The following DBNDD1 variants were observed in gnomAD, a reference collection of about 807,000 sequenced individuals.
DBNDD1 encodes dysbindin domain containing 1.
In DBNDD1, 14 loss-of-function variants were observed where a neutral mutation model predicts 17.0. The observed-to-expected ratio is 0.82, with a 90% CI of 0.54 to 1.29. DBNDD1 has a LOEUF of 1.29. Among genes scored for constraint, DBNDD1 ranks in the 50% most tolerant of loss-of-function variants. The pLI is 0.00. For missense variants in DBNDD1, 221 were observed against 216.2 expected, an observed-to-expected ratio of 1.02 and a Z score of -0.14; for synonymous variants, 105 against 102.0, an observed-to-expected ratio of 1.03 and a Z score of -0.18.
rs368511027 is a variant in DBNDD1, at chr16:90,009,364, T to C, written c.98A>G (p.Asn33Ser). 95 of 1,613,454 alleles carry C rather than the reference T, an allele frequency of 5.9e-5. No individual in the cohort carries two copies. The African/African-American group carries it at 6.9e-4, about 12-fold the overall frequency. ...LGVPAQGTGDNGHTPVEEEVG... is the reference protein window; with the variant it reads ...LGVPAQGTGDSGHTPVEEEVG... ...CTCCTCCTCCACAGGCGTGTGGCCA[T>C]TGTCCCCTGTCCCCTGGGCTGGGAC... is the stretch of plus-strand genomic sequence containing the variant. Residue 33 changes from asparagine to serine, a missense_variant, in exon 2 of 4, where the codon AAT becomes AGT. Asn to Ser is a conservative substitution (Grantham distance 46, BLOSUM62 1). Coordinates refer to ENST00000002501, the MANE Select transcript of DBNDD1 (RefSeq NM_001042610.3).
rs1057060472 is a variant in DBNDD1 at position 90,006,128 on chromosome 16, G to A, written c.*207C>T. 36 of 715,418 alleles carry A rather than the reference G, an allele frequency of 5.0e-5. No individual in the cohort carries two copies. Among genetic ancestry groups the A allele is most frequent in the African/African-American group, 4.4e-4 (25 of 56,464 alleles). The allele number at this position is 715,418 out of a possible 1,614,324, so 44.3% of individuals were successfully genotyped here. On this transcript the variant is annotated 3_prime_UTR_variant, in exon 4 of 4. Coordinates refer to ENST00000002501, the MANE Select transcript of DBNDD1 (RefSeq NM_001042610.3). ...GCCCCGTGTGTCCCCCAGGAAAGCCGGCTGGTCTCCAAGTGAGGCGAAGAC... is the reference window on the plus strand; with the variant it reads ...GCCCCGTGTGTCCCCCAGGAAAGCCAGCTGGTCTCCAAGTGAGGCGAAGAC...
At chr16:90,014,612 G>A (rs1273014923) in intron 1 of DBNDD1, among the ~76,000 whole-genome samples, 2 of 152,208 alleles carry the variant, frequency 1.3e-5, no homozygotes, top group African/African-American at 4.8e-5. Context: ...AGATCCTGGG[G>A]TCCCAAGGGG....
In DBNDD1 at chr16:90,010,346, T is replaced by G. The variant is rs540801903; in HGVS notation, c.32-916A>C. 16 of 206,854 alleles carry G rather than the reference T, an allele frequency of 7.7e-5. 1 individual carries two copies. In the South Asian group the frequency reaches 1.9e-3, roughly 25 times the overall value. 12.8% of individuals were successfully genotyped at this position (206,854 alleles called of 1,614,324 possible). ...GTGAGCCACCGAGCCTGGCCTCATT[T>G]TTTTTCACAAACGTAACTACCTTTT... On this transcript the variant is annotated intron_variant, in intron 1 of 3. Transcript: ENST00000002501.
chr16:90,008,910 C>T lies in DBNDD1; in HGVS notation c.193G>A (p.Val65Ile), dbSNP rs200870008. Residue 65 changes from valine (V) to isoleucine (I), a missense_variant, in exon 3 of 4, where the codon GTC becomes ATC. Physicochemically the swap from Val to Ile is conservative, Grantham distance 29. Transcript: ENST00000002501. ...VTERRQPLSSVSSLEVHFDLL... is the reference protein window; with the variant it reads ...VTERRQPLSSISSLEVHFDLL... ...TCGAAGTGGACCTCCAGAGAGGAGACGCTGCTCAGAGGCTCTGAGGGCAGA... is the reference window on the plus strand; with the variant it reads ...TCGAAGTGGACCTCCAGAGAGGAGATGCTGCTCAGAGGCTCTGAGGGCAGA... 974 of 1,571,174 alleles carry T rather than the reference C, an allele frequency of 6.2e-4. 1 individual carries two copies. Among genetic ancestry groups the T allele is most frequent in the Admixed American group, 9.9e-4 (56 of 56,406 alleles).
rs1274791830 is a variant in DBNDD1 at position 90,008,046 on chromosome 16, AG to A, written c.319+737del. 7.6e-4 allele frequency among the ~76,000 whole-genome samples: 71 copies of A among 93,028 alleles called. 6 individuals are homozygous for A. Among genetic ancestry groups the A allele is most frequent in the East Asian group, 4.4e-3 (12 of 2,726 alleles). The allele number at this position is 93,028 out of a possible 152,430, so 61.0% of individuals were successfully genotyped here. A position where few individuals can be genotyped will look rare whatever the true frequency, so the allele number is the denominator to read the frequency against. ...CTCCCAGGACGTCCCAAGGGGCCTC[AG>A]CCCACCACACACACCTCCCAGGACG... On this transcript the variant is annotated intron_variant, in intron 3 of 3. Transcript: ENST00000002501.
At chr16:90,019,484 A>G (rs2035729907), upstream of DBNDD1, 1 of 219,642 alleles carries the variant, frequency 4.6e-6, no homozygotes, top group Non-Finnish European at 7.8e-6. The surrounding 1 kb of genome is among the most constrained non-coding windows in gnomAD (Gnocchi z 6.1). Context: ...GGCAGGGAGG[A>G]GCCCGCGGGG....
In DBNDD1 at chr16:90,008,852, G is replaced by C. The variant is rs77900127; in HGVS notation, c.251C>G (p.Ser84Trp). 1 of 1,603,530 alleles carries C rather than the reference G, an allele frequency of 6.2e-7. No homozygotes were observed. Among genetic ancestry groups the C allele is most frequent in the African/African-American group, 1.3e-5 (1 of 74,864 alleles). ...LLDLTELTDM[S>W]DQELAEVFAD... ...AAAGACCTCGGCCAGCTCCTGGTCC[G>C]ACATGTCGGTGAGCTCAGTGAGGTC... Residue 84 changes from serine to tryptophan, a missense_variant, in exon 3 of 4, where the codon TCG becomes TGG. Physicochemically the swap from Ser to Trp is radical, Grantham distance 177. Transcript: ENST00000002501.
At chr16:90,014,714 T>C (rs1474441251) in intron 1 of DBNDD1, among the ~76,000 whole-genome samples, 1 of 152,084 alleles carries the variant, frequency 6.6e-6, no homozygotes, top group Non-Finnish European at 1.5e-5. Context: ...TCTTAAGAAG[T>C]ATCCTTTCGG....
At chr16:90,008,731 G>T in intron 3 of DBNDD1, 53 bp downstream of exon 3, 1 of 1,556,692 alleles carries the variant, frequency 6.4e-7, no homozygotes, top group East Asian at 2.3e-5. Flanking sequence ...ACTTCCCAAG[G>T]GGCCTCAGCC....
At chr16:90,017,971 T>C (rs529447874) in intron 1 of DBNDD1, among the ~76,000 whole-genome samples, 1 of 152,344 alleles carries the variant, frequency 6.6e-6, no homozygotes, top group Admixed American at 6.5e-5. Flanking sequence ...TTCTCTGCCT[T>C]TTAAGCTGCT....
intron 3 of DBNDD1, 148 bp from the exon 4 acceptor site, chr16:90,006,640 C>T (rs562505364): frequency 6.5e-5 from 68 of 1,048,612 alleles, no homozygotes; most frequent in East Asian, 4.5e-4. Flanking sequence ...CTACCTCTAA[C>T]GGGAGGCCCC....
chr16:90,009,779 G>A (rs2035516879), intron 1 of DBNDD1: 1 of 706,302 alleles, frequency 1.4e-6, no homozygotes. Context: ...CCTGGCCTCT[G>A]ATTTCTAGCT....
chr16:90,012,651 G>A (rs957476265), intron 1 of DBNDD1, among the ~76,000 whole-genome samples: 13 of 152,040 alleles, frequency 8.6e-5, no homozygotes, highest in African/African-American at 3.1e-4. Flanking sequence ...TAGAGATGGG[G>A]TTTCTCCATG....
chr16:90,019,776 C>T (rs1445653985), upstream of DBNDD1: 2 of 691,824 alleles, frequency 2.9e-6, no homozygotes. This position sits in a 1 kb window ranked among gnomAD's most constrained non-coding sequence, Gnocchi z 6.1. Flanking sequence ...CAGGTACTTG[C>T]GTGTGGGGCG....
intron 1 of DBNDD1, chr16:90,010,131 T>C (rs1597579862): frequency 5.2e-6 from 7 of 1,348,276 alleles, no homozygotes; most frequent in Non-Finnish European, 6.3e-6. Context: ...CTGCAACCTC[T>C]GCCCCTTGGG....
At chr16:90,017,536 T>C (rs1380982041) in intron 1 of DBNDD1, among the ~76,000 whole-genome samples, 2 of 152,226 alleles carry the variant, frequency 1.3e-5, no homozygotes, top group African/African-American at 4.8e-5. Context: ...TTCTGAATTA[T>C]TTATCAGTGA....
At chr16:90,012,479 G>A (rs1285488138) in intron 1 of DBNDD1, among the ~76,000 whole-genome samples, 1 of 147,214 alleles carries the variant, frequency 6.8e-6, no homozygotes, top group Non-Finnish European at 1.5e-5. Context: ...TTTTTTTTGA[G>A]ATGGAGTTTC....
chr16:90,018,050 C>T (rs771084812), intron 1 of DBNDD1, among the ~76,000 whole-genome samples: 3 of 152,236 alleles, frequency 2.0e-5, no homozygotes, highest in Non-Finnish European at 4.4e-5. Flanking sequence ...ATGCCTTGGG[C>T]TCCCACAGCC....
intron 1 of DBNDD1, chr16:90,011,665 G>T (rs1047868552): frequency 4.4e-6 from 2 of 455,082 alleles, no homozygotes; most frequent in Non-Finnish European, 8.8e-6. Context: ...CGGGGCTCTC[G>T]CGGAATCTGG....
Sources: gnomAD v4.1 joint callset for allele counts (sites outside exome capture counted in the v4.1 genomes callset) on GRCh38, gnomAD v4.1.1 for gene constraint, Gnocchi (gnomAD v3.1) non-coding constraint, MANE v1.5 for transcripts, NCBI Gene and HGNC (gene_info 2026-07-23, HGNC 2026-07-21) for gene names.